Variants in ADAMTS17 observed in about 807,000 individuals in gnomAD.
ADAMTS17 encodes the protein ADAM metallopeptidase with thrombospondin type 1 motif 17.
A neutral mutation model predicts 141.5 loss-of-function variants in ADAMTS17; 113 were observed. The observed-to-expected ratio is 0.80, with a 90% confidence interval of 0.69 to 0.93. The LOEUF (loss-of-function observed/expected upper bound fraction) is 0.93, where lower values mean the gene tolerates loss of function less well. ADAMTS17 is among the 40% of genes least tolerant of loss of function. The probability of loss-of-function intolerance (pLI) is 0.00; values close to 1 mark genes in which losing one functional copy is unlikely to be tolerated. For synonymous variants in ADAMTS17, 768 were observed against 630.6 expected (o/e 1.22, Z -3.27); for missense variants, 1,659 against 1,517.9 (o/e 1.09, Z -1.54).
rs111344951 is a variant in ADAMTS17 at position 100,198,825 on chromosome 15, T to A, written c.1181+493A>T. Among the ~76,000 whole-genome samples, 1,032 of 152,288 alleles carry A rather than the reference T, an allele frequency of 6.8e-3. 13 individuals are homozygous for A. The highest frequency in any genetic ancestry group is 0.023 in the African/African-American group (968 of 41,556). On this transcript the variant is annotated intron_variant, in intron 8 of 21. Coordinates refer to ENST00000268070, the MANE Select transcript of ADAMTS17 (RefSeq NM_139057.4). ...GCTCTAAGGTTCTATGGTTATTTCA[T>A]CCTAAAGAGAAGAATCGCTGTGTGC...
intron 8 of ADAMTS17, among the ~76,000 whole-genome samples, chr15:100,194,955 C>T (rs11855781): frequency 3.5e-4 from 54 of 152,200 alleles, no homozygotes; most frequent in African/African-American, 1.2e-3. Flanking sequence ...AAGGAGACCC[C>T]GGCTAAAAAC....
chr15:100,044,807 ATTTTTTT>A (rs60017895), intron 18 of ADAMTS17, among the ~76,000 whole-genome samples: 2 of 138,430 alleles, frequency 1.4e-5, no homozygotes, highest in African/African-American at 5.6e-5. Flanking sequence ...TATAATTTGG[ATTTTTTT>A]TTTTTTTTTT....
At chr15:99,981,398 G>C (rs2060479882) in intron 20 of ADAMTS17, among the ~76,000 whole-genome samples, 2 of 152,214 alleles carry the variant, frequency 1.3e-5, no homozygotes, top group Non-Finnish European at 2.9e-5. Flanking sequence ...GGTCCCAAGG[G>C]CTCTGCCCCT....
intron 7 of ADAMTS17, among the ~76,000 whole-genome samples, chr15:100,227,354 C>A (rs879342970): frequency 8.7e-6 from 1 of 115,096 alleles, no homozygotes; most frequent in Non-Finnish European, 1.9e-5. Context: ...ATCCTCACTA[C>A]CCCCTCCAAT....
intron 18 of ADAMTS17, among the ~76,000 whole-genome samples, chr15:100,026,223 AAT>A (rs1248420989): frequency 2.0e-5 from 3 of 152,238 alleles, no homozygotes; most frequent in African/African-American, 7.2e-5. Context: ...TTTGTAGAAC[AAT>A]AGTTTATTTT....
chr15:100,052,764 C>T (rs2032247057), intron 16 of ADAMTS17, among the ~76,000 whole-genome samples: 2 of 152,120 alleles, frequency 1.3e-5, no homozygotes, highest in African/African-American at 4.8e-5. Context: ...ATTCTTGGGT[C>T]CCAGAAACCT....
chr15:100,254,854 G>C (rs904173616), intron 6 of ADAMTS17, among the ~76,000 whole-genome samples: 2 of 152,172 alleles, frequency 1.3e-5, no homozygotes, highest in Non-Finnish European at 2.9e-5. Flanking sequence ...GGGGAGGCGG[G>C]GTGAAGGAGA....
intron 3 of ADAMTS17, among the ~76,000 whole-genome samples, chr15:100,316,741 C>A (rs2045577259): frequency 6.6e-6 from 1 of 152,226 alleles, no homozygotes; most frequent in Admixed American, 6.5e-5. Flanking sequence ...TCATTTAACT[C>A]AATTTAACTT....
chr15:100,333,247 TTCC>T (rs1318071726), intron 2 of ADAMTS17, among the ~76,000 whole-genome samples: 1 of 152,192 alleles, frequency 6.6e-6, no homozygotes, highest in Admixed American at 6.5e-5. Context: ...ATCAGAATTA[TTCC>T]TCCTGTTTTT....
At chr15:100,280,878 G>A (rs377181438) in intron 4 of ADAMTS17, among the ~76,000 whole-genome samples, 19 of 152,074 alleles carry the variant, frequency 1.2e-4, no homozygotes, top group East Asian at 3.9e-4. Context: ...TGTTCCCCCC[G>A]CTAGACTATG....
chr15:100,117,875 AAGGGCACACATCCAAAC>A (rs1398197522), intron 12 of ADAMTS17, among the ~76,000 whole-genome samples: 1 of 152,242 alleles, frequency 6.6e-6, no homozygotes, highest in Non-Finnish European at 1.5e-5. Context: ...AAAGAAAGAA[AAGGGCACACATCCAAAC>A]AGTTCTGCTC....
At chr15:100,002,241 G>A (rs998540864) in intron 18 of ADAMTS17, among the ~76,000 whole-genome samples, 16 of 152,088 alleles carry the variant, frequency 1.1e-4, no homozygotes, top group African/African-American at 3.9e-4. Flanking sequence ...TCAGGCTTTA[G>A]GGTGAGACCT....
intron 8 of ADAMTS17, among the ~76,000 whole-genome samples, chr15:100,160,038 C>T (rs2039617405): frequency 7.0e-6 from 1 of 141,938 alleles, no homozygotes; most frequent in Non-Finnish European, 1.6e-5. Context: ...CTCAGAAAAC[C>T]CGTTTCTCCT....
At chr15:100,015,160 C>T (rs1208029662) in intron 18 of ADAMTS17, among the ~76,000 whole-genome samples, 2 of 152,110 alleles carry the variant, frequency 1.3e-5, no homozygotes, top group African/African-American at 2.4e-5. Context: ...AAGTTTTTTT[C>T]GTCTGATACG....
intron 7 of ADAMTS17, among the ~76,000 whole-genome samples, chr15:100,217,067 G>C (rs28580125): frequency 0.17 from 25,163 of 152,086 alleles, 2,472 homozygotes; most frequent in East Asian, 0.29. Context: ...CTAGACAACA[G>C]GGACATGAGA....
chr15:100,084,480 C>G (rs1007524265), intron 15 of ADAMTS17, among the ~76,000 whole-genome samples: 5 of 152,204 alleles, frequency 3.3e-5, no homozygotes, highest in Non-Finnish European at 7.3e-5. Context: ...TTTCTGACAG[C>G]CTTGAAGAGA....
chr15:100,278,553 A>G (rs2044178138), intron 4 of ADAMTS17, among the ~76,000 whole-genome samples: 1 of 152,138 alleles, frequency 6.6e-6, no homozygotes. Context: ...ATGTGGGTCC[A>G]GCGGCTCGAC....
At chr15:100,265,123 C>G (rs959398178) in intron 4 of ADAMTS17, among the ~76,000 whole-genome samples, 1 of 152,180 alleles carries the variant, frequency 6.6e-6, no homozygotes, top group Admixed American at 6.5e-5. Flanking sequence ...GGCCTGAACA[C>G]AGCTCAAGCA....
chr15:100,092,141 C>T (rs926741089), intron 15 of ADAMTS17, among the ~76,000 whole-genome samples: 4 of 152,214 alleles, frequency 2.6e-5, no homozygotes, highest in Admixed American at 1.3e-4. Flanking sequence ...CCAGAGCACA[C>T]GGTGTGCTTG....
Sources: gnomAD v4.1 joint callset for allele counts (sites outside exome capture counted in the v4.1 genomes callset) on GRCh38, gnomAD v4.1.1 for gene constraint, MANE v1.5 for transcripts, NCBI Gene and HGNC (gene_info 2026-07-23, HGNC 2026-07-21) for gene names.